Variants in NDST4 observed in about 807,000 individuals in gnomAD.
The protein encoded by NDST4 is N-heparan sulfate sulfotransferase 4.
NDST4 carries 63 observed loss-of-function variants against 100.8 expected under a neutral mutation model. The observed-to-expected ratio is 0.62, with a 90% CI of 0.51 to 0.77. The LOEUF (loss-of-function observed/expected upper bound fraction) is 0.77, where lower values mean the gene tolerates loss of function less well. Ranked by LOEUF, NDST4 falls within the 30% of genes least tolerant of loss-of-function variation. NDST4 has a pLI of 0.00. For missense variants in NDST4, 943 were observed against 1,018.4 expected (o/e 0.93, Z 1.01); for synonymous variants, 377 against 361.8 (o/e 1.04, Z -0.48).
intron 2 of NDST4, among the ~76,000 whole-genome samples, chr4:115,012,384 C>G (rs1192038775): frequency 6.6e-6 from 1 of 151,940 alleles, no homozygotes; most frequent in African/African-American, 2.4e-5. Context: ...GATGTTATGG[C>G]TCAATGTCAT....
intron 4 of NDST4, among the ~76,000 whole-genome samples, chr4:114,944,693 T>C (rs10516608): frequency 0.11 from 16,219 of 152,214 alleles, 1,284 homozygotes; most frequent in East Asian, 0.44. Flanking sequence ...ACTGCTCCAA[T>C]GGACTGATTT....
intron 4 of NDST4, among the ~76,000 whole-genome samples, chr4:114,944,585 G>T (rs1429587258): frequency 1.3e-5 from 2 of 152,138 alleles, no homozygotes; most frequent in Non-Finnish European, 2.9e-5. Context: ...TAGTTACTAT[G>T]AAATCTGTCT....
At chr4:114,868,934 C>T (rs1388775003) in intron 7 of NDST4, among the ~76,000 whole-genome samples, 2 of 109,684 alleles carry the variant, frequency 1.8e-5, no homozygotes, top group African/African-American at 3.6e-5. Flanking sequence ...AAATTATCAG[C>T]ACTTGCAAAT....
At chr4:115,053,300 GA>G (rs1032202474) in intron 2 of NDST4, among the ~76,000 whole-genome samples, 40 of 152,202 alleles carry the variant, frequency 2.6e-4, no homozygotes, top group African/African-American at 9.1e-4. Context: ...TGGAATTTCA[GA>G]AAAACATACT....
chr4:115,011,585 A>T lies in NDST4; in HGVS notation c.979-34311T>A, dbSNP rs145340656. 2.8e-3 allele frequency among the ~76,000 whole-genome samples: 423 copies of T among 152,058 alleles called. 1 individual carries two copies. Among genetic ancestry groups the T allele is most frequent in the African/African-American group, 9.8e-3 (408 of 41,544 alleles). ...TAGACATCTTGTTTTTTAAGTGAAGAATTTATTAGAGAAATAGCAGTTTCA... is the reference window on the plus strand; with the variant it reads ...TAGACATCTTGTTTTTTAAGTGAAGTATTTATTAGAGAAATAGCAGTTTCA... On this transcript the variant is annotated intron_variant, in intron 2 of 13. Coordinates refer to ENST00000264363, the MANE Select transcript of NDST4 (RefSeq NM_022569.3).
At chr4:114,924,165 T>A (rs2126220270) in intron 6 of NDST4, among the ~76,000 whole-genome samples, 1 of 152,294 alleles carries the variant, frequency 6.6e-6, no homozygotes, top group East Asian at 1.9e-4. Flanking sequence ...TACTCATTTT[T>A]AAATAAATCC....
intron 2 of NDST4, among the ~76,000 whole-genome samples, chr4:115,000,239 A>C (rs1267459050): frequency 6.6e-6 from 1 of 151,696 alleles, no homozygotes; most frequent in African/African-American, 2.4e-5. Flanking sequence ...CCAAAGAATG[A>C]TGAAATGAGG....
Position 115,090,364 on chromosome 4 carries a change from A to G in NDST4, c.-246-13082T>C, listed in dbSNP as rs150195986. 3.9e-3 allele frequency among the ~76,000 whole-genome samples: 594 copies of G among 152,060 alleles called. 3 individuals are homozygous for G. Among genetic ancestry groups the G allele is most frequent in the African/African-American group, 0.014 (567 of 41,560 alleles). ...TTTTAAAAATCCAAAATAATGATAG[A>G]AGATAATTTATTATAAGGAATGAAT... On this transcript the variant is annotated intron_variant, in intron 1 of 13. Transcript: ENST00000264363.
chr4:115,017,050 A>C (rs1047036211), intron 2 of NDST4, among the ~76,000 whole-genome samples: 1 of 151,834 alleles, frequency 6.6e-6, no homozygotes, highest in Non-Finnish European at 1.5e-5. Flanking sequence ...GTTTTTCTAT[A>C]ACGAAATCTA....
intron 4 of NDST4, among the ~76,000 whole-genome samples, chr4:114,963,530 C>T (rs542564838): frequency 6.6e-6 from 1 of 152,234 alleles, no homozygotes; most frequent in Non-Finnish European, 1.5e-5. Flanking sequence ...TGTGAATACA[C>T]TGAAAACCAT....
At chr4:114,986,776 C>A (rs1159777881) in intron 2 of NDST4, among the ~76,000 whole-genome samples, 2 of 107,512 alleles carry the variant, frequency 1.9e-5, no homozygotes, top group Admixed American at 1.1e-4. Flanking sequence ...TTCCTCTAAG[C>A]CTGGTATCCA....
At chr4:115,050,192 T>C (rs1728554330) in intron 2 of NDST4, among the ~76,000 whole-genome samples, 1 of 152,152 alleles carries the variant, frequency 6.6e-6, no homozygotes, top group African/African-American at 2.4e-5. Flanking sequence ...GGCAGAAATA[T>C]CCTTAATGGT....
At chr4:115,001,403 A>G (rs780377454) in intron 2 of NDST4, among the ~76,000 whole-genome samples, 2 of 151,940 alleles carry the variant, frequency 1.3e-5, no homozygotes, top group African/African-American at 2.4e-5. Flanking sequence ...GGAGAGCACA[A>G]CCATTAGTTT....
chr4:114,943,150 T>G (rs1725786510), intron 4 of NDST4, among the ~76,000 whole-genome samples: 1 of 149,506 alleles, frequency 6.7e-6, no homozygotes, highest in Admixed American at 6.7e-5. Flanking sequence ...TTAGATCCCA[T>G]GTATTTCCCA....
chr4:114,878,926 C>T (rs924196378), intron 6 of NDST4, among the ~76,000 whole-genome samples: 1 of 151,912 alleles, frequency 6.6e-6, no homozygotes, highest in African/African-American at 2.4e-5. Flanking sequence ...AATATAATTT[C>T]TGGTTAAACC....
intron 4 of NDST4, among the ~76,000 whole-genome samples, chr4:114,962,335 T>TAAAAC (rs1726281544): frequency 6.6e-6 from 1 of 151,720 alleles, no homozygotes; most frequent in Non-Finnish European, 1.5e-5. Flanking sequence ...TAAAATAAAA[T>TAAAAC]ATAGCCAGAT....
intron 4 of NDST4, among the ~76,000 whole-genome samples, chr4:114,969,373 A>C (rs1253923600): frequency 6.6e-6 from 1 of 150,396 alleles, no homozygotes; most frequent in Admixed American, 6.6e-5. Flanking sequence ...CAGGTTTATG[A>C]TATAGATAAA....
At chr4:115,017,441 A>T (rs1349214249) in intron 2 of NDST4, among the ~76,000 whole-genome samples, 1 of 152,182 alleles carries the variant, frequency 6.6e-6, no homozygotes, top group Admixed American at 6.6e-5. Flanking sequence ...TTCATAAAAC[A>T]TTGTTACATA....
intron 11 of NDST4, among the ~76,000 whole-genome samples, chr4:114,837,057 C>T (rs181187638): frequency 6.6e-6 from 1 of 152,038 alleles, no homozygotes; most frequent in Non-Finnish European, 1.5e-5. Flanking sequence ...CATTGGGTTA[C>T]AACATGTTCC....
Sources: allele counts gnomAD v4.1 joint callset (sites outside exome capture counted in the v4.1 genomes callset), GRCh38; gene constraint gnomAD v4.1.1; transcripts MANE v1.5; gene names NCBI Gene and HGNC (gene_info 2026-07-23, HGNC 2026-07-21).